Variants in TSFM observed in about 807,000 individuals in gnomAD.
The protein encoded by TSFM is elongation factor Ts, mitochondrial.
Under a neutral mutation model 33.4 loss-of-function variants are expected in TSFM, and 29 were observed. That is an observed-to-expected ratio of 0.87 (90% CI 0.65 to 1.18). TSFM has a LOEUF of 1.18. TSFM is among the 50% of genes most tolerant of loss of function. TSFM has a pLI of 0.00. For missense variants in TSFM, 394 were observed against 395.6 expected (o/e 1.00, Z 0.04); for synonymous variants, 178 against 163.5 (o/e 1.09, Z -0.68).
At chr12:57,801,280 T>G (rs1001971376), downstream of TSFM, 3 of 1,335,162 alleles carry the variant, frequency 2.2e-6, no homozygotes, top group Non-Finnish European at 3.2e-6. Flanking sequence ...TTAGGTCTGG[T>G]CTGTGTCTTC....
chr12:57,797,937 G>A (rs865984760), downstream of TSFM: 25 of 1,612,276 alleles, frequency 1.6e-5, no homozygotes, highest in Non-Finnish European at 2.1e-5. Context: ...AGGCAGAGCT[G>A]CAAATTGCCC....
At chr12:57,784,638 G>A (rs186559907) in intron 2 of TSFM, among the ~76,000 whole-genome samples, 111 of 151,896 alleles carry the variant, frequency 7.3e-4, no homozygotes, top group African/African-American at 2.7e-3. Context: ...CAGAACTTTG[G>A]GAGGCTGAGG....
intron 5 of TSFM, among the ~76,000 whole-genome samples, chr12:57,794,762 T>G (rs1955708173): frequency 6.6e-6 from 1 of 152,160 alleles, no homozygotes; most frequent in Non-Finnish European, 1.5e-5. Flanking sequence ...AATGCTTTAT[T>G]TATTTATTTA....
chr12:57,787,240 C>T, intron 4 of TSFM, 78 bp downstream of exon 4: 2 of 1,340,226 alleles, frequency 1.5e-6, no homozygotes, highest in East Asian at 5.1e-5. Flanking sequence ...TGTAGACATT[C>T]TCATGTCTCA....
At position 57,796,948 on chromosome 12, in the gene TSFM, A is replaced by G; in HGVS notation, c.*365A>G. On this transcript the variant is annotated 3_prime_UTR_variant, in exon 6 of 6. Coordinates refer to ENST00000652027, the MANE Select transcript of TSFM (RefSeq NM_005726.6). ...TCTGTTTTTGCTTTGCGACACTGTG[A>G]ACCGTGCTTCTGCCTCGGAACCTCC... 1 of 990,600 alleles carries G rather than the reference A, an allele frequency of 1.0e-6. No individual in the cohort carries two copies. The highest frequency in any genetic ancestry group is 1.2e-6 in the Non-Finnish European group (1 of 833,654). 61.4% of individuals were successfully genotyped at this position (990,600 alleles called of 1,614,324 possible). A position where few individuals can be genotyped will look rare whatever the true frequency, so the allele number is the denominator to read the frequency against.
downstream of TSFM, among the ~76,000 whole-genome samples, chr12:57,801,928 T>A (rs1482154539): frequency 6.6e-6 from 1 of 152,246 alleles, no homozygotes; most frequent in East Asian, 1.9e-4. Flanking sequence ...CTTTATAAAC[T>A]GTTTATACTT....
chr12:57,789,547 G>T (rs1295011911), intron 4 of TSFM, among the ~76,000 whole-genome samples: 1 of 151,688 alleles, frequency 6.6e-6, no homozygotes, highest in Non-Finnish European at 1.5e-5. Flanking sequence ...TGTGTTTTTA[G>T]TAGAAATGGG....
At position 57,786,348 on chromosome 12, in the gene TSFM, G is replaced by T; in HGVS notation, c.360+57G>T. The T allele has an allele frequency of 1.9e-6, 3 of 1,570,188 alleles. No homozygotes were observed. The South Asian group carries it at 3.6e-5, about 19-fold the overall frequency. On this transcript the variant is annotated intron_variant, in intron 3 of 5. Coordinates refer to ENST00000652027, the MANE Select transcript of TSFM (RefSeq NM_005726.6). ...CAGCTGTCCCTTGGGTGTAAAGCTT[G>T]TAGTAGGCCCTAAAGGGGCCTGTTC... is the stretch of plus-strand genomic sequence containing the variant.
At chr12:57,788,491 G>A (rs532674230) in intron 4 of TSFM, among the ~76,000 whole-genome samples, 2 of 152,046 alleles carry the variant, frequency 1.3e-5, no homozygotes, top group Non-Finnish European at 2.9e-5. Context: ...TGGCCAGGCT[G>A]GTCTTGAACT....
rs940756353 is a variant in TSFM at position 57,783,831 on chromosome 12, G to T, written c.231+548G>T. 152 of 636,648 alleles carry T rather than the reference G, an allele frequency of 2.4e-4. 2 individuals are homozygous for T. Among genetic ancestry groups the T allele is most frequent in the South Asian group, 6.7e-4 (37 of 55,156 alleles). The allele number at this position is 636,648 out of a possible 1,614,324, so 39.4% of individuals were successfully genotyped here. ...GGGTTTCGCCGTGTCGGCCAGGCTGGTCTCGAACTCCTGGCCTCAGGTGAT... is the reference window on the plus strand; with the variant it reads ...GGGTTTCGCCGTGTCGGCCAGGCTGTTCTCGAACTCCTGGCCTCAGGTGAT... On this transcript the variant is annotated intron_variant, in intron 2 of 5. Transcript: ENST00000652027.
At chr12:57,784,476 A>G (rs1321054660) in intron 2 of TSFM, among the ~76,000 whole-genome samples, 3 of 152,202 alleles carry the variant, frequency 2.0e-5, no homozygotes, top group East Asian at 1.9e-4. Flanking sequence ...CATGTTTTAA[A>G]TTTTTGGACT....
At chr12:57,786,334 T>G (rs749322281) in intron 3 of TSFM, 43 bp downstream of exon 3, 1 of 1,594,708 alleles carries the variant, frequency 6.3e-7, no homozygotes, top group South Asian at 1.1e-5. Flanking sequence ...AGCTGTCCCT[T>G]GGGTGTAAAG....
At chr12:57,794,009 G>A (rs1264379345) in intron 5 of TSFM, among the ~76,000 whole-genome samples, 1 of 152,212 alleles carries the variant, frequency 6.6e-6, no homozygotes, top group African/African-American at 2.4e-5. Flanking sequence ...CCTTGATGGA[G>A]GGTGGGTGGT....
At chr12:57,798,391 C>T (rs1315031406), downstream of TSFM, among the ~76,000 whole-genome samples, 1 of 152,178 alleles carries the variant, frequency 6.6e-6, no homozygotes, top group Non-Finnish European at 1.5e-5. Context: ...TTTTCAAATG[C>T]ATGATCGGGT....
chr12:57,801,021 A>T (rs1168619440), downstream of TSFM: 3 of 744,476 alleles, frequency 4.0e-6, no homozygotes, highest in Non-Finnish European at 6.5e-6. Flanking sequence ...CTTTACATCA[A>T]AACAGACAAC....
At chr12:57,788,301 A>G (rs1955616050) in intron 4 of TSFM, among the ~76,000 whole-genome samples, 1 of 150,210 alleles carries the variant, frequency 6.7e-6, no homozygotes, top group South Asian at 2.1e-4. Context: ...GTTTTTTGAG[A>G]TGAAGTCTTG....
At chr12:57,795,979 C>T (rs913081444) in intron 5 of TSFM, among the ~76,000 whole-genome samples, 198 bp from the exon 6 acceptor site, 1 of 152,162 alleles carries the variant, frequency 6.6e-6, no homozygotes, top group African/African-American at 2.4e-5. Flanking sequence ...CTTCACTTCC[C>T]CCACTCCCGC....
chr12:57,795,321 A>G (rs1955719304), intron 5 of TSFM, among the ~76,000 whole-genome samples: 1 of 149,708 alleles, frequency 6.7e-6, no homozygotes, highest in South Asian at 2.1e-4. Context: ...GCTGGTCTCA[A>G]ACTCACAACC....
intron 5 of TSFM, among the ~76,000 whole-genome samples, chr12:57,794,756 CTTTA>C (rs926900753): frequency 2.0e-5 from 3 of 152,028 alleles, no homozygotes; most frequent in Non-Finnish European, 2.9e-5. Context: ...ATAGTTAATG[CTTTA>C]TTTATTTATT....
Sources: gnomAD v4.1 joint callset for allele counts (sites outside exome capture counted in the v4.1 genomes callset) on GRCh38, gnomAD v4.1.1 for gene constraint, MANE v1.5 for transcripts, NCBI Gene and HGNC (gene_info 2026-07-23, HGNC 2026-07-21) for gene names.